Variants in PNPLA6 observed in about 807,000 individuals in gnomAD.
The protein encoded by PNPLA6 is patatin like domain 6, lysophospholipase.
In PNPLA6, 105 loss-of-function variants were observed where a neutral mutation model predicts 153.7. The observed-to-expected ratio is 0.68, with a 90% CI of 0.58 to 0.80. The LOEUF is 0.80. Ranked by LOEUF, PNPLA6 falls within the 30% of genes least tolerant of loss-of-function variation. The probability of loss-of-function intolerance (pLI) is 0.00; values close to 1 mark genes in which losing one functional copy is unlikely to be tolerated. For missense variants in PNPLA6, 1,423 were observed against 1,919.3 expected (o/e 0.74, Z 4.83); for synonymous variants, 825 against 822.2 (o/e 1.00, Z -0.06).
intron 13 of PNPLA6, among the ~76,000 whole-genome samples, chr19:7,548,088 G>A (rs1302561451): frequency 6.6e-6 from 1 of 150,876 alleles, no homozygotes; most frequent in Non-Finnish European, 1.5e-5. Flanking sequence ...GCACACACCT[G>A]TAATCCCAGC....
At chr19:7,549,435 C>T (rs1037533388) in intron 13 of PNPLA6, among the ~76,000 whole-genome samples, 8 of 151,432 alleles carry the variant, frequency 5.3e-5, no homozygotes, top group Admixed American at 5.3e-4. Flanking sequence ...ATCCGCCTGC[C>T]TCGGCCTCCC....
intron 3 of PNPLA6, 35 bp from the exon 4 acceptor site, chr19:7,539,883 C>T (rs2023047819): frequency 7.1e-7 from 1 of 1,413,434 alleles, no homozygotes; most frequent in African/African-American, 1.4e-5. Flanking sequence ...TTCTCCGTGC[C>T]CCCCTCACCC....
chr19:7,546,947 C>G (rs2023410230), intron 13 of PNPLA6, among the ~76,000 whole-genome samples: 1 of 151,984 alleles, frequency 6.6e-6, no homozygotes, highest in African/African-American at 2.4e-5. Context: ...CTATGTCGCC[C>G]AGGCTGGAGT....
Position 7,550,313 on chromosome 19 carries a change from G to GCCCA in PNPLA6, c.1831_1834dup (p.Ser612ThrfsTer57). Reference sequence around the variant, plus strand: ...GTTCCTGCAGGATCATGCGCGCACAGCCCAGTGTGGTGCTGAGTGCGGCGC... The same window carrying GCCCA: ...GTTCCTGCAGGATCATGCGCGCACAGCCCACCCAGTGTGGTGCTGAGTGCGGCGC... On this transcript the variant is annotated frameshift_variant, in exon 15 of 32. Coordinates refer to ENST00000600737, the MANE Select transcript of PNPLA6 (RefSeq NM_001166114.2). LOFTEE classifies it high-confidence loss of function. 2 of 1,612,816 alleles carry GCCCA rather than the reference G, an allele frequency of 1.2e-6. No homozygotes were observed. Among genetic ancestry groups the GCCCA allele is most frequent in the Non-Finnish European group, 1.7e-6 (2 of 1,180,044 alleles).
rs1223584441 is a variant in PNPLA6, at chr19:7,542,650, T to C, written c.1342T>C (p.Ser448Pro). The C allele has an allele frequency of 6.2e-7, 1 of 1,612,586 alleles. No individual in the cohort carries two copies. Among genetic ancestry groups the C allele is most frequent in the Non-Finnish European group, 8.5e-7 (1 of 1,179,792 alleles). Reference sequence around the variant, plus strand: ...CCTGCAGGAAGAGGCCTCCGGGGGGTCCCTGGCAGCCCCCGCTCGGGTAAG... The same window carrying C: ...CCTGCAGGAAGAGGCCTCCGGGGGGCCCCTGGCAGCCCCCGCTCGGGTAAG... The part of the protein sequence containing the change: ...VSLQEEASGG[S>P]LAAPARTPTQ... Residue 448 changes from serine (S) to proline (P), a missense_variant, in exon 11 of 32, where the codon TCC becomes CCC. Ser to Pro is a moderately conservative substitution (Grantham distance 74, BLOSUM62 -1). Coordinates refer to ENST00000600737, the MANE Select transcript of PNPLA6 (RefSeq NM_001166114.2).
chr19:7,554,060 A>G, intron 19 of PNPLA6, 45 bp downstream of exon 19: 1 of 1,605,578 alleles, frequency 6.2e-7, no homozygotes, highest in South Asian at 1.1e-5. Flanking sequence ...GGTGGGTGGG[A>G]CATTAGTGAG....
At chr19:7,539,185 T>G (rs970582551) in intron 3 of PNPLA6, among the ~76,000 whole-genome samples, 2 of 152,164 alleles carry the variant, frequency 1.3e-5, no homozygotes, top group Non-Finnish European at 2.9e-5. Context: ...TTTACCAAAA[T>G]AAATGTGGCC....
intron 28 of PNPLA6, among the ~76,000 whole-genome samples, chr19:7,560,130 G>C (rs1265919617): frequency 1.3e-5 from 2 of 152,104 alleles, no homozygotes; most frequent in Non-Finnish European, 2.9e-5. Flanking sequence ...GACAGAGTGA[G>C]ACTCTGTCTC....
In PNPLA6 at chr19:7,554,260, C is replaced by A; in HGVS notation, c.2453C>A (p.Ser818Tyr). The change falls in exon 20 of 32, where the codon TCC becomes TAC. Residue 818 changes from serine to tyrosine, a missense_variant. Ser to Tyr is a moderately radical substitution (Grantham distance 144). Transcript: ENST00000600737. ...SDIIRARLGASALDSIQEFRL... is the reference protein window; with the variant it reads ...SDIIRARLGAYALDSIQEFRL... Reference sequence around the variant, plus strand: ...ATCATCCGGGCACGCCTGGGGGCCTCCGCACTGGATAGGTGTGTGTTGCAG... The same window carrying A: ...ATCATCCGGGCACGCCTGGGGGCCTACGCACTGGATAGGTGTGTGTTGCAG... 1 of 1,613,932 alleles carries A rather than the reference C, an allele frequency of 6.2e-7. No homozygotes were observed. Among genetic ancestry groups the A allele is most frequent in the Non-Finnish European group, 8.5e-7 (1 of 1,179,882 alleles).
intron 16 of PNPLA6, 159 bp downstream of exon 16, chr19:7,550,799 A>G: frequency 2.9e-6 from 3 of 1,052,348 alleles, no homozygotes; most frequent in Non-Finnish European, 4.2e-6. Context: ...TTCGTTGGAA[A>G]AAGGGGATTC....
chr19:7,554,112 C>A, intron 19 of PNPLA6, 97 bp downstream of exon 19: 1 of 1,572,404 alleles, frequency 6.4e-7, no homozygotes, highest in Non-Finnish European at 8.8e-7. Context: ...TGGAGGGGAA[C>A]AGGGCCACAG....
At chr19:7,559,911 G>T (rs2024031551) in intron 28 of PNPLA6, among the ~76,000 whole-genome samples, 1 of 151,640 alleles carries the variant, frequency 6.6e-6, no homozygotes, top group Admixed American at 6.6e-5. Context: ...AGGCCGAGGT[G>T]GGCAGATCAC....
At chr19:7,553,790 A>G in intron 18 of PNPLA6, 85 bp from the exon 19 acceptor site, 1 of 1,550,392 alleles carries the variant, frequency 6.4e-7, no homozygotes, top group Non-Finnish European at 8.9e-7. Flanking sequence ...TCAGATAAGG[A>G]GGAAGAGGAA....
Position 7,539,757 on chromosome 19 carries a change from CAA to C in PNPLA6, c.414-139_414-138del, listed in dbSNP as rs762061101. ...GGGAAACAAGAGCAAAACTTCGTCT[CAA>C]AAAAAAAAAAAAAAAAAAAAAGGTG... On this transcript the variant is annotated intron_variant, in intron 3 of 31. Coordinates refer to ENST00000600737, the MANE Select transcript of PNPLA6 (RefSeq NM_001166114.2). 6.4e-3 allele frequency among the ~76,000 whole-genome samples: 324 copies of C among 50,866 alleles called. 5 individuals carry two copies. The South Asian group carries it at 0.08, about 13-fold the overall frequency. The allele number at this position is 50,866 out of a possible 152,430, so 33.4% of individuals were successfully genotyped here.
chr19:7,551,447 G>A lies in PNPLA6; in HGVS notation c.2260+10G>A, dbSNP rs763465479. 2.8e-5 allele frequency: 45 copies of A among 1,611,826 alleles called. No homozygotes were observed. The highest frequency in any genetic ancestry group is 1.9e-4 in the South Asian group (17 of 91,050). ...CAAGGACCCTTCCCAGGTGAGAGCC[G>A]GCCGGCCCAGAGCGTGCTGGGAGAT... On this transcript the variant is annotated intron_variant, in intron 18 of 31. Transcript: ENST00000600737.
intron 27 of PNPLA6, among the ~76,000 whole-genome samples, chr19:7,558,372 C>T (rs918919212): frequency 1.3e-5 from 2 of 152,242 alleles, no homozygotes. Context: ...TGGCTCATGC[C>T]TGTAATCCCA....
rs769225275 is a variant in PNPLA6 at position 7,554,301 on chromosome 19, G to T, written c.2465+29G>T. On this transcript the variant is annotated intron_variant, in intron 20 of 31. Transcript: ENST00000600737. ...TGTGTTGCAGAAGGGAGTGGGGAGG[G>T]TGGTGGGTGGGCCTGGAGCCTCAAA... The T allele has an allele frequency of 5.0e-6, 8 of 1,593,724 alleles. 1 individual carries two copies. The South Asian group carries it at 7.7e-5, about 15-fold the overall frequency.
Position 7,540,609 on chromosome 19 carries a change from C to A in PNPLA6, c.715-21C>A. The A allele has an allele frequency of 6.3e-7, 1 of 1,598,538 alleles. No individual in the cohort carries two copies. Among genetic ancestry groups the A allele is most frequent in the Non-Finnish European group, 8.6e-7 (1 of 1,165,808 alleles). Reference sequence around the variant, plus strand: ...TCACCAGGGCGAGGCCACTGAGGGTCCACGGTCTCCTGTGTCTCAGGACGG... The same window carrying A: ...TCACCAGGGCGAGGCCACTGAGGGTACACGGTCTCCTGTGTCTCAGGACGG... On this transcript the variant is annotated intron_variant, in intron 5 of 31. Coordinates refer to ENST00000600737, the MANE Select transcript of PNPLA6 (RefSeq NM_001166114.2). The surrounding 1 kb of genome is among the most constrained non-coding windows in gnomAD (Gnocchi z 6.8).
chr19:7,541,775 C>T lies in PNPLA6; in HGVS notation c.1168+91C>T. The T allele has an allele frequency of 4.3e-6, 6 of 1,409,122 alleles. 1 individual carries two copies. Among genetic ancestry groups the T allele is most frequent in the Middle Eastern group, 1.8e-4 (1 of 5,462 alleles). The allele number at this position is 1,409,122 out of a possible 1,614,324, so 87.3% of individuals were successfully genotyped here. A position where few individuals can be genotyped will look rare whatever the true frequency, so the allele number is the denominator to read the frequency against. On this transcript the variant is annotated intron_variant, in intron 9 of 31. Coordinates refer to ENST00000600737, the MANE Select transcript of PNPLA6 (RefSeq NM_001166114.2). The surrounding 1 kb of genome is among the most constrained non-coding windows in gnomAD (Gnocchi z 5.2). ...CTTTTTCAGTTCTGCATAGAGTCAACCTGACCTTGTCCAGCCCCACAGGGA... is the reference window on the plus strand; with the variant it reads ...CTTTTTCAGTTCTGCATAGAGTCAATCTGACCTTGTCCAGCCCCACAGGGA...
Sources: gnomAD v4.1 joint callset for allele counts (sites outside exome capture counted in the v4.1 genomes callset) on GRCh38, gnomAD v4.1.1 for gene constraint, Gnocchi (gnomAD v3.1) non-coding constraint, MANE v1.5 for transcripts, NCBI Gene and HGNC (gene_info 2026-07-23, HGNC 2026-07-21) for gene names.